The following EIF4E variants were observed in gnomAD, a reference collection of about 807,000 sequenced individuals.
EIF4E encodes the protein eukaryotic translation initiation factor 4E.
For missense variants in EIF4E, 113 were observed against 265.6 expected (o/e 0.43, Z 3.99); for synonymous variants, 71 against 88.5 (o/e 0.80, Z 1.11).
In EIF4E at chr4:98,887,210, A is replaced by G; in HGVS notation, c.286-18T>C. The G allele has an allele frequency of 6.2e-7, 1 of 1,609,612 alleles. No individual in the cohort carries two copies. Among genetic ancestry groups the G allele is most frequent in the Non-Finnish European group, 8.5e-7 (1 of 1,175,976 alleles). ...ATACCATCCTACAGGGTTAGAAGAC[A>G]ACAGTATTACACAACATTGTTACCT... On this transcript the variant is annotated intron_variant, in intron 4 of 6. Coordinates refer to ENST00000450253, the MANE Select transcript of EIF4E (RefSeq NM_001968.5). This position sits in a 1 kb window ranked among gnomAD's most constrained non-coding sequence, Gnocchi z 4.0.
chr4:98,885,610 C>T (rs966265981), intron 5 of EIF4E, among the ~76,000 whole-genome samples: 1 of 151,988 alleles, frequency 6.6e-6, no homozygotes, highest in Non-Finnish European at 1.5e-5. Flanking sequence ...TGTCACCATA[C>T]CCAGTTAATT....
intron 1 of EIF4E, among the ~76,000 whole-genome samples, chr4:98,914,507 C>T (rs554997569): frequency 4.1e-5 from 6 of 147,522 alleles, no homozygotes; most frequent in South Asian, 4.3e-4. Flanking sequence ...CATAAAAAGA[C>T]GTAGAAGGAA....
chr4:98,907,244 T>A (rs1296815464), intron 1 of EIF4E, among the ~76,000 whole-genome samples: 1 of 152,202 alleles, frequency 6.6e-6, no homozygotes, highest in Non-Finnish European at 1.5e-5. Context: ...CAATATAAAG[T>A]CATTTTAAAG....
At chr4:98,915,211 A>C (rs892818526) in intron 1 of EIF4E, among the ~76,000 whole-genome samples, 6 of 152,122 alleles carry the variant, frequency 3.9e-5, no homozygotes, top group Non-Finnish European at 8.8e-5. Context: ...TCAGCCTCCC[A>C]AAGTGCTTCA....
intron 6 of EIF4E, among the ~76,000 whole-genome samples, chr4:98,884,030 C>A (rs1346709814): frequency 7.3e-6 from 1 of 137,842 alleles, no homozygotes; most frequent in African/African-American, 2.7e-5. Context: ...CACAGTGAGA[C>A]CCTGTCTCAA....
intron 1 of EIF4E, among the ~76,000 whole-genome samples, chr4:98,904,840 T>G (rs969108897): frequency 1.3e-5 from 2 of 152,140 alleles, no homozygotes; most frequent in Non-Finnish European, 1.5e-5. Context: ...CTACACATTT[T>G]TAAATATGTG....
chr4:98,883,556 G>A (rs966466850), intron 6 of EIF4E, among the ~76,000 whole-genome samples: 1 of 151,358 alleles, frequency 6.6e-6, no homozygotes, highest in Non-Finnish European at 1.5e-5. Flanking sequence ...CCGCCACCAC[G>A]CCCAGCTAAT....
At chr4:98,929,011 G>C in intron 1 of EIF4E, 84 bp downstream of exon 1, 4 of 1,566,292 alleles carry the variant, frequency 2.6e-6, no homozygotes, top group Non-Finnish European at 3.5e-6. Context: ...TGCGCGCCGG[G>C]AACGCCGTCC....
In EIF4E at chr4:98,929,099, T is replaced by C. The variant is rs1721366945; in HGVS notation, c.14A>G (p.Glu5Gly). 2 of 1,581,374 alleles carry C rather than the reference T, an allele frequency of 1.3e-6. No homozygotes were observed. Among genetic ancestry groups the C allele is most frequent in the Non-Finnish European group, 1.7e-6 (2 of 1,163,472 alleles). Residue 5 changes from glutamate to glycine, a missense_variant, in exon 1 of 7, where the codon GAA becomes GGA. Coordinates refer to ENST00000450253, the MANE Select transcript of EIF4E (RefSeq NM_001968.5). Reference sequence around the variant, plus strand: ...GGGGCCAAAGGCAATACTCACCGGTTCGACAGTCGCCATCTTAGATCGATC... The same window carrying C: ...GGGGCCAAAGGCAATACTCACCGGTCCGACAGTCGCCATCTTAGATCGATC... MATV[E>G]PETTPTPNPP...
chr4:98,894,325 TTCTC>T (rs1222891909), intron 2 of EIF4E, among the ~76,000 whole-genome samples: 1 of 152,230 alleles, frequency 6.6e-6, no homozygotes, highest in Non-Finnish European at 1.5e-5. Flanking sequence ...AGGCAATGAC[TTCTC>T]TCTAACTAGC....
At chr4:98,896,916 C>T (rs1187834328) in intron 2 of EIF4E, among the ~76,000 whole-genome samples, 3 of 152,100 alleles carry the variant, frequency 2.0e-5, no homozygotes, top group African/African-American at 4.8e-5. Flanking sequence ...CGAGATTACA[C>T]GCCACCCCAG....
At chr4:98,885,679 T>C (rs1245224014) in intron 5 of EIF4E, among the ~76,000 whole-genome samples, 1 of 152,192 alleles carries the variant, frequency 6.6e-6, no homozygotes, top group Non-Finnish European at 1.5e-5. Flanking sequence ...CTTGAACTCC[T>C]GAGTTTAAGT....
chr4:98,928,759 C>T, intron 1 of EIF4E: 1 of 1,221,284 alleles, frequency 8.2e-7, no homozygotes, highest in South Asian at 1.7e-5. Flanking sequence ...CTGCGCCTTC[C>T]TATCATGAAG....
rs997913045 is a variant in EIF4E, at chr4:98,880,775, A to G, written c.*253T>C. 1.8e-5 allele frequency: 8 copies of G among 446,646 alleles called. No homozygotes were observed. The highest frequency in any genetic ancestry group is 4.1e-5 in the Admixed American group (1 of 24,646). 27.7% of individuals were successfully genotyped at this position (446,646 alleles called of 1,614,324 possible). On this transcript the variant is annotated 3_prime_UTR_variant, in exon 7 of 7. Coordinates refer to ENST00000450253, the MANE Select transcript of EIF4E (RefSeq NM_001968.5). ...CTATTACAGAGTGGGCCAGGAACAC[A>G]TTTATGGATTCTGGGGATGTGTACT...
At chr4:98,898,523 G>A (rs954642397) in intron 2 of EIF4E, among the ~76,000 whole-genome samples, 47 of 151,274 alleles carry the variant, frequency 3.1e-4, no homozygotes, top group African/African-American at 1.1e-3. Flanking sequence ...CAGAAGAATC[G>A]CTTGAACCCG....
At chr4:98,904,000 G>A (rs1460081295) in intron 1 of EIF4E, among the ~76,000 whole-genome samples, 1 of 152,168 alleles carries the variant, frequency 6.6e-6, no homozygotes, top group Non-Finnish European at 1.5e-5. Flanking sequence ...GGGGGACAGG[G>A]TACCAGAGAA....
intron 1 of EIF4E, among the ~76,000 whole-genome samples, chr4:98,905,989 T>C (rs1257246518): frequency 2.0e-5 from 3 of 152,226 alleles, no homozygotes; most frequent in Admixed American, 6.5e-5. Flanking sequence ...GACTAAACTT[T>C]AGGTTCTCCT....
At chr4:98,881,879 G>A (rs1421774586) in intron 6 of EIF4E, among the ~76,000 whole-genome samples, 1 of 152,180 alleles carries the variant, frequency 6.6e-6, no homozygotes, top group Non-Finnish European at 1.5e-5. Flanking sequence ...CTGTGATACT[G>A]TATAACAAGG....
At chr4:98,884,795 G>T in intron 6 of EIF4E, 127 bp downstream of exon 6, 2 of 1,305,042 alleles carry the variant, frequency 1.5e-6, no homozygotes, top group Non-Finnish European at 2.1e-6. Context: ...TTATAAAAGT[G>T]TTCACGAAAA....
Sources: gnomAD v4.1 joint callset for allele counts (sites outside exome capture counted in the v4.1 genomes callset) on GRCh38, gnomAD v4.1.1 for gene constraint, Gnocchi (gnomAD v3.1) non-coding constraint, MANE v1.5 for transcripts, NCBI Gene and HGNC (gene_info 2026-07-23, HGNC 2026-07-21) for gene names.